The following LUZP1 variants were observed in gnomAD, a reference collection of about 807,000 sequenced individuals.
LUZP1 encodes leucine zipper protein 1, also known as filamin mechanobinding actin cross-linking protein.
A neutral mutation model predicts 71.3 loss-of-function variants in LUZP1; 25 were observed. The ratio of observed to expected loss-of-function variants is 0.35; its 90% CI spans 0.26 to 0.49. The LOEUF (loss-of-function observed/expected upper bound fraction) is 0.49, where lower values mean the gene tolerates loss of function less well. Among genes scored for constraint, LUZP1 ranks in the 20% least tolerant of loss-of-function variants. The probability of loss-of-function intolerance (pLI) is 0.99; values close to 1 mark genes in which losing one functional copy is unlikely to be tolerated. For synonymous variants in LUZP1, 481 were observed against 506.4 expected (o/e 0.95, Z 0.67); for missense variants, 1,142 against 1,300.8 (o/e 0.88, Z 1.88).
At chr1:23,161,157 C>G (rs890243453) in intron 2 of LUZP1, among the ~76,000 whole-genome samples, 20 of 152,132 alleles carry the variant, frequency 1.3e-4, no homozygotes, top group African/African-American at 4.8e-4. Flanking sequence ...GTGTTAGGCA[C>G]TAGAGATACA....
chr1:23,091,088 C>A, intron 4 of LUZP1, 102 bp downstream of exon 3: 1 of 1,246,776 alleles, frequency 8.0e-7, no homozygotes. Flanking sequence ...ACTCAGTTCT[C>A]AAGATCCTGG....
chr1:23,087,724 C>A (rs550194244), exon 5 of LUZP1: 4 of 152,636 alleles, frequency 2.6e-5, no homozygotes, highest in Non-Finnish European at 5.9e-5. Flanking sequence ...AATTTATTTA[C>A]GTGGCTTTCT....
chr1:23,101,499 G>C (rs1643931336), intron 3 of LUZP1, among the ~76,000 whole-genome samples: 1 of 152,092 alleles, frequency 6.6e-6, no homozygotes, highest in Non-Finnish European at 1.5e-5. Flanking sequence ...CTATGCTTTA[G>C]TTCCTCTGAA....
chr1:23,160,075 T>C (rs1295408030), intron 2 of LUZP1, among the ~76,000 whole-genome samples: 1 of 152,206 alleles, frequency 6.6e-6, no homozygotes, highest in East Asian at 1.9e-4. Context: ...TAATCACTGA[T>C]TTAAAATACA....
At chr1:23,150,430 A>G (rs916282409) in intron 2 of LUZP1, among the ~76,000 whole-genome samples, 1 of 152,180 alleles carries the variant, frequency 6.6e-6, no homozygotes, top group African/African-American at 2.4e-5. Flanking sequence ...AATAGCATTC[A>G]TTACAGAAAA....
At chr1:23,106,317 T>C (rs1643980834) in intron 3 of LUZP1, among the ~76,000 whole-genome samples, 1 of 152,150 alleles carries the variant, frequency 6.6e-6, no homozygotes, top group Admixed American at 6.5e-5. Context: ...ATCAAACACC[T>C]CTCAAATGGG....
chr1:23,128,927 G>A (rs1000874452), intron 2 of LUZP1, among the ~76,000 whole-genome samples: 10 of 152,194 alleles, frequency 6.6e-5, no homozygotes, highest in South Asian at 2.1e-4. Context: ...CTTCTTAGGC[G>A]GAGCCAATAA....
At chr1:23,109,367 T>G (rs1261962188) in intron 2 of LUZP1, among the ~76,000 whole-genome samples, 1 of 152,190 alleles carries the variant, frequency 6.6e-6, no homozygotes, top group Non-Finnish European at 1.5e-5. Context: ...TATAAGATGA[T>G]ATGGTCCTAG....
At chr1:23,164,142 C>G (rs540753761) in intron 2 of LUZP1, 1 of 150,234 alleles carries the variant, frequency 6.7e-6, no homozygotes, top group African/African-American at 2.4e-5. Flanking sequence ...TTGCTTCGGG[C>G]AGAGCAAAAA....
intron 2 of LUZP1, among the ~76,000 whole-genome samples, chr1:23,118,082 T>TC (rs1366037681): frequency 1.3e-5 from 2 of 151,402 alleles, no homozygotes; most frequent in Non-Finnish European, 2.9e-5. Flanking sequence ...AGAGCGAGAC[T>TC]CCATCTCAAA....
intron 3 of LUZP1, among the ~76,000 whole-genome samples, chr1:23,099,651 GTTTT>G (rs1553136143): frequency 3.3e-5 from 5 of 152,028 alleles, no homozygotes; most frequent in Non-Finnish European, 7.4e-5. Flanking sequence ...TTATACCACC[GTTTT>G]ATTTATTTGG....
upstream of LUZP1, among the ~76,000 whole-genome samples, chr1:23,177,969 C>A (rs1328833418): frequency 6.6e-6 from 1 of 152,350 alleles, no homozygotes; most frequent in East Asian, 1.9e-4. Flanking sequence ...GGATGGGACC[C>A]AGCGCAAACC....
chr1:23,126,746 C>A (rs16828013), intron 2 of LUZP1, among the ~76,000 whole-genome samples: 1 of 152,282 alleles, frequency 6.6e-6, no homozygotes, highest in East Asian at 1.9e-4. Context: ...CCTGGATGGC[C>A]ATTCTTGCTT....
At chr1:23,169,074 T>C (rs974953794) in intron 1 of LUZP1, 1 of 152,252 alleles carries the variant, frequency 6.6e-6, no homozygotes, top group Admixed American at 6.5e-5. Context: ...GGAGGGACAC[T>C]TTCGGCCCGC....
intron 2 of LUZP1, among the ~76,000 whole-genome samples, chr1:23,117,577 A>C (rs1168019763): frequency 6.7e-6 from 1 of 149,710 alleles, no homozygotes; most frequent in African/African-American, 2.5e-5. Flanking sequence ...AATAATTTTA[A>C]ATAAGTACTA....
chr1:23,152,633 C>A (rs929474658), intron 2 of LUZP1, among the ~76,000 whole-genome samples: 2 of 152,040 alleles, frequency 1.3e-5, no homozygotes, highest in South Asian at 2.1e-4. Context: ...TGGGTTCAAG[C>A]GATTCTCCTG....
Position 23,093,879 on chromosome 1 carries a change from C to T in LUZP1, c.383G>A (p.Ser128Asn), listed in dbSNP as rs948484139. 3 of 1,614,036 alleles carry T rather than the reference C, an allele frequency of 1.9e-6. No homozygotes were observed. The highest frequency in any genetic ancestry group is 2.7e-5 in the African/African-American group (2 of 74,920). Residue 128 changes from serine to asparagine, a missense_variant, in exon 4 of 5, where the codon AGC becomes AAC. Transcript: ENST00000302291. The surrounding 1 kb of genome is among the most constrained non-coding windows in gnomAD (Gnocchi z 4.2). ...CTGGGTACAGTCATTCTTACTCCTG[C>T]TGAAGGCCTCTTCTAGCTTCTCTAA...
intron 3 of LUZP1, among the ~76,000 whole-genome samples, chr1:23,100,013 T>C (rs1021439833): frequency 6.6e-6 from 1 of 152,224 alleles, no homozygotes; most frequent in Non-Finnish European, 1.5e-5. Flanking sequence ...TGGAAAATTC[T>C]GGAGTGCCTT....
intron 1 of LUZP1, among the ~76,000 whole-genome samples, chr1:23,171,095 A>ATAT (rs1553143566): frequency 1.4e-5 from 2 of 140,588 alleles, no homozygotes; most frequent in African/African-American, 2.8e-5. Context: ...TCTCAAAAAA[A>ATAT]AAAAATATAT....
Sources: allele counts gnomAD v4.1 joint callset (sites outside exome capture counted in the v4.1 genomes callset), GRCh38; gene constraint gnomAD v4.1.1; non-coding constraint Gnocchi (gnomAD v3.1); transcripts MANE v1.5; gene names NCBI Gene and HGNC (gene_info 2026-07-23, HGNC 2026-07-21).